MAN2B2: variants seen among roughly 807,000 people sequenced by gnomAD.
MAN2B2 encodes the protein epididymis-specific alpha-mannosidase.
MAN2B2 carries 106 observed loss-of-function variants against 117.1 expected under a neutral mutation model. The observed-to-expected ratio is 0.90, with a 90% CI of 0.77 to 1.06. The LOEUF is 1.06. MAN2B2 is among the 50% of genes least tolerant of loss of function. The pLI is 0.00. For synonymous variants in MAN2B2, 544 were observed against 595.1 expected (o/e 0.91, Z 1.25); for missense variants, 1,326 against 1,381.4 (o/e 0.96, Z 0.64).
At position 6,597,258 on chromosome 4, in the gene MAN2B2, C is replaced by G; in HGVS notation, c.1203C>G (p.Thr401=). Residue 401 remains threonine (T), a synonymous_variant, in exon 8 of 19, where the codon ACC becomes ACG. Coordinates refer to ENST00000285599, the MANE Select transcript of MAN2B2 (RefSeq NM_015274.3). ...CCCCCCGTGGGCATCTGGACCCCACCTGGGCCCTGCAGCAGCTCCAGCAGC... is the reference window on the plus strand; with the variant it reads ...CCCCCCGTGGGCATCTGGACCCCACGTGGGCCCTGCAGCAGCTCCAGCAGC... ...WPAPRGHLDP[T]WALQQLQQLR... 6.3e-7 allele frequency: 1 copy of G among 1,586,244 alleles called. No individual in the cohort carries two copies. Among genetic ancestry groups the G allele is most frequent in the Non-Finnish European group, 8.6e-7 (1 of 1,165,344 alleles).
intron 7 of MAN2B2, among the ~76,000 whole-genome samples, chr4:6,596,660 G>C (rs1350909806): frequency 6.6e-6 from 1 of 152,102 alleles, no homozygotes; most frequent in African/African-American, 2.4e-5. Context: ...ACGCATGCCT[G>C]TCCTGGCCTC....
chr4:6,580,316 A>G (rs7693600), intron 3 of MAN2B2, among the ~76,000 whole-genome samples: 61,590 of 151,932 alleles, frequency 0.41, 12,683 homozygotes, highest in East Asian at 0.6. Flanking sequence ...GGAGGACAGC[A>G]AGGCTCAGAG....
At chr4:6,600,952 T>C (rs112062945) in intron 10 of MAN2B2, among the ~76,000 whole-genome samples, 196 bp downstream of exon 10, 5 of 152,276 alleles carry the variant, frequency 3.3e-5, no homozygotes, top group African/African-American at 1.2e-4. Flanking sequence ...TGACACCAAC[T>C]GAGTGTCCTA....
At chr4:6,617,605 CT>C in intron 17 of MAN2B2, 113 bp downstream of exon 17, 1 of 1,543,638 alleles carries the variant, frequency 6.5e-7, no homozygotes, top group South Asian at 1.2e-5. Context: ...CAAATGGACG[CT>C]GGTATGGGCC....
Position 6,593,715 on chromosome 4 carries a change from C to A in MAN2B2, c.858+365C>A, listed in dbSNP as rs56245974. Among the ~76,000 whole-genome samples, 245 of 152,334 alleles carry A rather than the reference C, an allele frequency of 1.6e-3. 3 individuals are homozygous for A. Among genetic ancestry groups the A allele is most frequent in the African/African-American group, 5.4e-3 (223 of 41,574 alleles). On this transcript the variant is annotated intron_variant, in intron 6 of 18. Coordinates refer to ENST00000285599, the MANE Select transcript of MAN2B2 (RefSeq NM_015274.3). ...TTCATAGGCTTGGTGAGAGGTGAAG[C>A]GTTCCCGGGAAGCCAGTGCCCGGCA...
intron 17 of MAN2B2, chr4:6,617,693 AT>A (rs1711961045): frequency 2.1e-6 from 2 of 973,352 alleles, no homozygotes; most frequent in Admixed American, 5.9e-5. Flanking sequence ...TTTTTTGTGT[AT>A]ATGTGAGACA....
chr4:6,579,686 C>A (rs1289230154), intron 3 of MAN2B2, among the ~76,000 whole-genome samples: 1 of 152,004 alleles, frequency 6.6e-6, no homozygotes, highest in Admixed American at 6.6e-5. Flanking sequence ...CCACCCATCA[C>A]TGTCGCCACC....
intron 5 of MAN2B2, among the ~76,000 whole-genome samples, chr4:6,592,552 C>T (rs140332956): frequency 3.3e-5 from 5 of 152,282 alleles, no homozygotes; most frequent in Admixed American, 6.5e-5. Flanking sequence ...TGCAGTGAGC[C>T]GTGATCATAT....
Position 6,605,317 on chromosome 4 carries a change from G to GC in MAN2B2, c.1803dup (p.Ile602HisfsTer7). On this transcript the variant is annotated frameshift_variant, in exon 11 of 19. Transcript: ENST00000285599. LOFTEE classifies it high-confidence loss of function. The stretch of plus-strand genomic sequence containing the variant: ...GACCAGGATACCAACCTGATGCACA[G>GC]CATCTGGGAGAGGTAAGGTGCAGCC... 2 of 1,608,576 alleles carry GC rather than the reference G, an allele frequency of 1.2e-6. No homozygotes were observed. Among genetic ancestry groups the GC allele is most frequent in the Non-Finnish European group, 1.7e-6 (2 of 1,175,592 alleles).
At chr4:6,598,777 G>A (rs188221030) in intron 9 of MAN2B2, among the ~76,000 whole-genome samples, 4 of 152,298 alleles carry the variant, frequency 2.6e-5, no homozygotes, top group African/African-American at 4.8e-5. Context: ...ACCTGAACAC[G>A]GTGCTGCCCA....
intron 3 of MAN2B2, among the ~76,000 whole-genome samples, chr4:6,581,420 G>T (rs185746547): frequency 1.3e-5 from 2 of 152,112 alleles, no homozygotes; most frequent in Non-Finnish European, 2.9e-5. Context: ...CAGAACTGGC[G>T]CTCAAGCCCA....
At chr4:6,591,190 GC>G (rs887767773) in intron 5 of MAN2B2, among the ~76,000 whole-genome samples, 2 of 152,080 alleles carry the variant, frequency 1.3e-5, no homozygotes, top group South Asian at 4.2e-4. Context: ...GAGGGAAGGG[GC>G]CTGGAGACCC....
intron 7 of MAN2B2, among the ~76,000 whole-genome samples, chr4:6,595,696 A>G (rs1206961077): frequency 6.6e-6 from 1 of 152,228 alleles, no homozygotes; most frequent in Non-Finnish European, 1.5e-5. Context: ...TACAGTCACA[A>G]TGGCAATTAA....
chr4:6,600,734 C>G lies in MAN2B2; in HGVS notation c.1517C>G (p.Ala506Gly). Reference protein sequence around the residue: ...GFPGVRVTDEAGHPVPSQIQN... With the variant: ...GFPGVRVTDEGGHPVPSQIQN... ...CCTGGAGTCCGCGTCACAGATGAGG[C>G]GGGCCACCCAGTGCCCTCGCAGGTA... Residue 506 changes from alanine (A) to glycine (G), a missense_variant, in exon 10 of 19, where the codon GCG (alanine) becomes GGG (glycine). Ala to Gly is a moderately conservative substitution (Grantham distance 60, BLOSUM62 0). Transcript: ENST00000285599. 1 of 1,613,714 alleles carries G rather than the reference C, an allele frequency of 6.2e-7. No homozygotes were observed. Among genetic ancestry groups the G allele is most frequent in the Non-Finnish European group, 8.5e-7 (1 of 1,180,030 alleles).
intron 3 of MAN2B2, among the ~76,000 whole-genome samples, chr4:6,583,072 G>A (rs546052240): frequency 1.3e-5 from 2 of 152,200 alleles, no homozygotes; most frequent in Admixed American, 1.3e-4. Context: ...TTGATGTTCA[G>A]CCATCCCCCA....
chr4:6,600,740 AC>A lies in MAN2B2; in HGVS notation c.1526del (p.Pro509GlnfsTer21). 3 of 1,613,520 alleles carry A rather than the reference AC, an allele frequency of 1.9e-6. No homozygotes were observed. Among genetic ancestry groups the A allele is most frequent in the Non-Finnish European group, 2.5e-6 (3 of 1,180,014 alleles). On this transcript the variant is annotated frameshift_variant, in exon 10 of 19. Coordinates refer to ENST00000285599, the MANE Select transcript of MAN2B2 (RefSeq NM_015274.3). LOFTEE classifies it high-confidence loss of function. Reference protein sequence around the residue: ...PGVRVTDEAGHPVPSQIQNST... With the variant: ...PGVRVTDEAGXPVPSQIQNST... Reference sequence around the variant, plus strand: ...GTCCGCGTCACAGATGAGGCGGGCCACCCAGTGCCCTCGCAGGTATGGACAC... The same window carrying A: ...GTCCGCGTCACAGATGAGGCGGGCCACCAGTGCCCTCGCAGGTATGGACAC...
Position 6,609,141 on chromosome 4 carries a change from T to C in MAN2B2, c.1849T>C (p.Phe617Leu), listed in dbSNP as rs1727659966. ...SNRTVRVTQEFLEYHVNGDVK... is the reference protein window; with the variant it reads ...SNRTVRVTQELLEYHVNGDVK... Reference sequence around the variant, plus strand: ...CCGAACGGTGCGCGTGACCCAGGAATTCCTGGAGTACCACGTCAACGGGGA... The same window carrying C: ...CCGAACGGTGCGCGTGACCCAGGAACTCCTGGAGTACCACGTCAACGGGGA... The change falls in exon 12 of 19, where the codon TTC becomes CTC. Residue 617 changes from phenylalanine to leucine, a missense_variant. Transcript: ENST00000285599. The C allele has an allele frequency of 1.2e-6, 2 of 1,614,056 alleles. No homozygotes were observed. Among genetic ancestry groups the C allele is most frequent in the African/African-American group, 2.7e-5 (2 of 74,944 alleles).
In MAN2B2 at chr4:6,606,351, G is replaced by A. The variant is rs147896971; in HGVS notation, c.1814+1022G>A. Among the ~76,000 whole-genome samples the A allele has an allele frequency of 8.1e-3, 1,233 of 152,366 alleles. 6 individuals are homozygous for A. The highest frequency in any genetic ancestry group is 0.013 in the Non-Finnish European group (862 of 68,040). On this transcript the variant is annotated intron_variant, in intron 11 of 18. Transcript: ENST00000285599. ...GAGGGAAAGTGGGGCAGGTGCAGGGGTGACAGCAGCCAGCATGGGTGGCTG... is the reference window on the plus strand; with the variant it reads ...GAGGGAAAGTGGGGCAGGTGCAGGGATGACAGCAGCCAGCATGGGTGGCTG...
intron 11 of MAN2B2, among the ~76,000 whole-genome samples, chr4:6,605,602 T>G (rs539912110): frequency 3.9e-5 from 6 of 152,356 alleles, no homozygotes; most frequent in African/African-American, 1.2e-4. Flanking sequence ...ATTACCACTT[T>G]TTTTTTAATT....
Sources: allele counts gnomAD v4.1 joint callset (sites outside exome capture counted in the v4.1 genomes callset), GRCh38; gene constraint gnomAD v4.1.1; transcripts MANE v1.5; gene names NCBI Gene and HGNC (gene_info 2026-07-23, HGNC 2026-07-21).